The following VCAN variants were observed in gnomAD, a reference collection of about 807,000 sequenced individuals.
The protein encoded by VCAN is versican core protein.
A neutral mutation model predicts 245.5 loss-of-function variants in VCAN; 44 were observed. That is an observed-to-expected ratio of 0.18 (90% CI 0.14 to 0.23). The LOEUF (loss-of-function observed/expected upper bound fraction) is 0.23, where lower values mean the gene tolerates loss of function less well. Ranked by LOEUF, VCAN falls within the 10% of genes least tolerant of loss-of-function variation. The pLI, the probability that VCAN is intolerant of heterozygous loss-of-function variation, is 1.00. For synonymous variants in VCAN, 1,413 were observed against 1,437.0 expected (o/e 0.98, Z 0.38); for missense variants, 3,793 against 4,057.9 (o/e 0.93, Z 1.77).
At chr5:83,506,542 A>T (rs2112381075) in intron 5 of VCAN, among the ~76,000 whole-genome samples, 1 of 152,216 alleles carries the variant, frequency 6.6e-6, no homozygotes, top group African/African-American at 2.4e-5. Flanking sequence ...CATTTTGGGC[A>T]AAGCCATTCA....
rs757285947 is a variant in VCAN at position 83,537,260 on chromosome 5, T to C, written c.4257T>C (p.Thr1419=). The C allele has an allele frequency of 1.4e-5, 23 of 1,614,000 alleles. No homozygotes were observed. Among genetic ancestry groups the C allele is most frequent in the Non-Finnish European group, 1.7e-5 (20 of 1,179,972 alleles). The part of the protein sequence containing the change: ...QYINGKHLVT[T]VPKDPEAAEA... Reference sequence around the variant, plus strand: ...TAAATGGGAAGCATCTCGTTACCACTGTGCCCAAGGACCCAGAAGCTGCAG... The same window carrying C: ...TAAATGGGAAGCATCTCGTTACCACCGTGCCCAAGGACCCAGAAGCTGCAG... The change falls in exon 8 of 15, where the codon ACT becomes ACC. Residue 1419 remains threonine (T), a synonymous_variant. Transcript: ENST00000265077.
rs1363765933 is a variant in VCAN, at chr5:83,493,718, C to G, written c.618C>G (p.Val206=). Residue 206 remains valine (V), a splice_region_variant and synonymous_variant, in exon 4 of 15, where the codon GTC becomes GTG. Transcript: ENST00000265077. ...CDAGWLADQT[V]RYPIRAPRVG... ...CAGGCTGGCTGGCTGATCAGACTGT[C>G]AGGTAAGAGGTCTGGGGGCCACAGG... 1 of 1,614,068 alleles carries G rather than the reference C, an allele frequency of 6.2e-7. No individual in the cohort carries two copies. Among genetic ancestry groups the G allele is most frequent in the Non-Finnish European group, 8.5e-7 (1 of 1,180,000 alleles).
At position 83,512,364 on chromosome 5, in the gene VCAN, C is replaced by G. The variant is rs537011281; in HGVS notation, c.1010C>G (p.Pro337Arg). The G allele has an allele frequency of 6.2e-7, 1 of 1,611,816 alleles. No individual in the cohort carries two copies. The highest frequency in any genetic ancestry group is 1.7e-5 in the Admixed American group (1 of 59,964). ...GAGAACCAGACAGGCTTCCCTCCCC[C>G]TGATAGCAGATTTGATGCCTACTGC... is the stretch of plus-strand genomic sequence containing the variant. ...RFENQTGFPP[P>R]DSRFDAYCFK... Residue 337 changes from proline (P) to arginine (R), a missense_variant, in exon 6 of 15, where the codon CCT (proline) becomes CGT (arginine). Coordinates refer to ENST00000265077, the MANE Select transcript of VCAN (RefSeq NM_004385.5).
At chr5:83,533,318 G>T (rs1449242853) in intron 7 of VCAN, among the ~76,000 whole-genome samples, 1 of 152,086 alleles carries the variant, frequency 6.6e-6, no homozygotes, top group Non-Finnish European at 1.5e-5. Context: ...TAGTACATTT[G>T]CAATAAGTAC....
At chr5:83,569,746 A>G (rs1407430983) in intron 12 of VCAN, among the ~76,000 whole-genome samples, 1 of 152,174 alleles carries the variant, frequency 6.6e-6, no homozygotes, top group Non-Finnish European at 1.5e-5. Context: ...AGTAAGCTAG[A>G]AAATATTGAG....
chr5:83,545,579 C>T lies in VCAN; in HGVS notation c.9308C>T (p.Thr3103Ile), dbSNP rs924921291. 4.3e-6 allele frequency: 7 copies of T among 1,614,124 alleles called. No homozygotes were observed. In the East Asian group the frequency reaches 1.6e-4, roughly 36 times the overall value. Residue 3103 changes from threonine to isoleucine, a missense_variant, in exon 9 of 15, where the codon ACC becomes ATC. Coordinates refer to ENST00000265077, the MANE Select transcript of VCAN (RefSeq NM_004385.5). Reference protein sequence around the residue: ...CKMNPCLNGGTCYPTETSYVC... With the variant: ...CKMNPCLNGGICYPTETSYVC... ...ATGAACCCGTGCCTTAACGGAGGCA[C>T]CTGTTATCCTACTGAAACTTCCTAC... is the stretch of plus-strand genomic sequence containing the variant.
chr5:83,472,778 T>A (rs1561219913), intron 1 of VCAN, among the ~76,000 whole-genome samples: 1 of 151,826 alleles, frequency 6.6e-6, no homozygotes, highest in African/African-American at 2.4e-5. Context: ...GAGCAGAGGA[T>A]GGGGGGTGGG....
chr5:83,512,362 C>A lies in VCAN; in HGVS notation c.1008C>A (p.Pro336=). Residue 336 remains proline, a synonymous_variant, in exon 6 of 15, where the codon CCC becomes CCA. Coordinates refer to ENST00000265077, the MANE Select transcript of VCAN (RefSeq NM_004385.5). ...YRFENQTGFP[P]PDSRFDAYCF... ...TTGAGAACCAGACAGGCTTCCCTCC[C>A]CCTGATAGCAGATTTGATGCCTACT... The A allele has an allele frequency of 6.2e-7, 1 of 1,611,670 alleles. No homozygotes were observed. Among genetic ancestry groups the A allele is most frequent in the Non-Finnish European group, 8.5e-7 (1 of 1,178,042 alleles).
At chr5:83,533,425 G>A (rs1269764800) in intron 7 of VCAN, among the ~76,000 whole-genome samples, 1 of 152,046 alleles carries the variant, frequency 6.6e-6, no homozygotes, top group Non-Finnish European at 1.5e-5. Flanking sequence ...AGAGAGAGAG[G>A]AAGGGGGCAA....
At chr5:83,505,694 G>A (rs911648543) in intron 5 of VCAN, among the ~76,000 whole-genome samples, 28 of 152,214 alleles carry the variant, frequency 1.8e-4, no homozygotes, top group Admixed American at 3.3e-4. Flanking sequence ...AGCTCCAGTA[G>A]GGAGTGCCCC....
Position 83,539,545 on chromosome 5 carries a change from C to A in VCAN, c.6542C>A (p.Ser2181Tyr), listed in dbSNP as rs1489718469. ...KEEDTSLVNM[S>Y]TPDPDANGLE... is the part of the protein sequence containing the mutation. ...GAAGACACTTCTTTAGTTAACATGT[C>A]TACTCCAGATCCAGATGCAAATGGC... Residue 2181 changes from serine (S) to tyrosine (Y), a missense_variant, in exon 8 of 15, where the codon TCT becomes TAT. By Grantham distance (144) the Ser-to-Tyr change is moderately radical. Transcript: ENST00000265077. 3 of 1,614,046 alleles carry A rather than the reference C, an allele frequency of 1.9e-6. No individual in the cohort carries two copies. The highest frequency in any genetic ancestry group is 2.5e-6 in the Non-Finnish European group (3 of 1,179,986).
intron 12 of VCAN, among the ~76,000 whole-genome samples, chr5:83,556,125 T>A (rs748443499): frequency 6.6e-6 from 1 of 152,222 alleles, no homozygotes; most frequent in Non-Finnish European, 1.5e-5. Context: ...ACTTTATCTA[T>A]GTGCCAGCCA....
At chr5:83,552,033 C>T (rs913197177) in intron 10 of VCAN, among the ~76,000 whole-genome samples, 1 of 152,186 alleles carries the variant, frequency 6.6e-6, no homozygotes, top group African/African-American at 2.4e-5. Flanking sequence ...AGTCAGCTGG[C>T]TGCAACTAAA....
intron 7 of VCAN, among the ~76,000 whole-genome samples, chr5:83,534,659 C>T (rs560099504): frequency 6.6e-6 from 1 of 152,078 alleles, no homozygotes; most frequent in South Asian, 2.1e-4. Context: ...CATTTTTAAA[C>T]TCCAGTTAAA....
chr5:83,545,771 T>A (rs1747188358), intron 9 of VCAN, 121 bp downstream of exon 9: 1 of 821,584 alleles, frequency 1.2e-6, no homozygotes, highest in African/African-American at 1.7e-5. Context: ...AATTATATGT[T>A]AAATGAAGTT....
chr5:83,544,218 G>A (rs1247573103), intron 8 of VCAN, among the ~76,000 whole-genome samples: 1 of 152,178 alleles, frequency 6.6e-6, no homozygotes, highest in Non-Finnish European at 1.5e-5. Context: ...AAATTGTTAG[G>A]GAGATTTCAA....
intron 1 of VCAN, 21 bp from the exon 2 acceptor site, chr5:83,483,492 T>C: frequency 6.2e-7 from 1 of 1,601,660 alleles, no homozygotes; most frequent in Non-Finnish European, 8.6e-7. Context: ...TGATTTACTT[T>C]GTGTTTTTCT....
chr5:83,540,578 G>A lies in VCAN; in HGVS notation c.7575G>A (p.Arg2525=). 1.2e-6 allele frequency: 2 copies of A among 1,613,802 alleles called. No homozygotes were observed. The highest frequency in any genetic ancestry group is 1.7e-6 in the Non-Finnish European group (2 of 1,179,932). Residue 2525 remains arginine (R), a synonymous_variant, in exon 8 of 15, where the codon AGG becomes AGA. Coordinates refer to ENST00000265077, the MANE Select transcript of VCAN (RefSeq NM_004385.5). ...STDGSFQDRF[R]EFEDSTLKPN... is the part of the protein sequence containing the mutation. Reference sequence around the variant, plus strand: ...ACGGTAGTTTCCAAGACCGTTTCAGGGAATTCGAGGATTCCACCTTAAAAC... The same window carrying A: ...ACGGTAGTTTCCAAGACCGTTTCAGAGAATTCGAGGATTCCACCTTAAAAC...
chr5:83,556,348 T>G (rs1747665921), intron 12 of VCAN, among the ~76,000 whole-genome samples: 1 of 152,208 alleles, frequency 6.6e-6, no homozygotes, highest in Admixed American at 6.5e-5. Flanking sequence ...CCTCCTCGGC[T>G]TTAAAAAGAG....
Sources: gnomAD v4.1 joint callset for allele counts (sites outside exome capture counted in the v4.1 genomes callset) on GRCh38, gnomAD v4.1.1 for gene constraint, MANE v1.5 for transcripts, NCBI Gene and HGNC (gene_info 2026-07-23, HGNC 2026-07-21) for gene names.